The following SHC3 variants were observed in gnomAD, a reference collection of about 807,000 sequenced individuals.
The protein encoded by SHC3 is SHC-transforming protein 3.
A neutral mutation model predicts 60.4 loss-of-function variants in SHC3; 15 were observed. That is an observed-to-expected ratio of 0.25 (90% CI 0.17 to 0.38). The LOEUF (loss-of-function observed/expected upper bound fraction) is 0.38, where lower values mean the gene tolerates loss of function less well. Among genes scored for constraint, SHC3 ranks in the 10% least tolerant of loss-of-function variants. The pLI is 1.00. For synonymous variants in SHC3, 294 were observed against 325.9 expected (o/e 0.90, Z 1.05); for missense variants, 677 against 786.1 (o/e 0.86, Z 1.66).
chr9:89,053,070 T>G (rs1824886883), intron 6 of SHC3, among the ~76,000 whole-genome samples: 1 of 152,162 alleles, frequency 6.6e-6, no homozygotes, highest in South Asian at 2.1e-4. Context: ...CAGACCCACT[T>G]CCACCGTGCC....
chr9:89,062,064 T>A (rs550564742), intron 6 of SHC3, among the ~76,000 whole-genome samples: 4 of 152,332 alleles, frequency 2.6e-5, no homozygotes, highest in African/African-American at 9.6e-5. Flanking sequence ...TTATAAAGTA[T>A]ACGAATTACA....
At chr9:89,055,918 T>C (rs1293015983) in intron 6 of SHC3, among the ~76,000 whole-genome samples, 1 of 152,228 alleles carries the variant, frequency 6.6e-6, no homozygotes, top group Non-Finnish European at 1.5e-5. Context: ...ATGTGTATCA[T>C]AAAAACATCT....
intron 11 of SHC3, among the ~76,000 whole-genome samples, chr9:89,027,490 G>A (rs1411267623): frequency 6.6e-6 from 1 of 151,900 alleles, no homozygotes; most frequent in Non-Finnish European, 1.5e-5. Context: ...CTAATTTTTT[G>A]TATTTTTAGT....
intron 6 of SHC3, among the ~76,000 whole-genome samples, chr9:89,059,629 CGTGGTGGAGGACGTGATGGAGGATG>C (rs1431519402): frequency 9.8e-5 from 8 of 82,046 alleles, no homozygotes; most frequent in East Asian, 4.3e-4. Context: ...TGGTGGAGGA[CGTGGTGGAGGACGTGATGGAGGATG>C]GTGGTGGAGG....
intron 1 of SHC3, among the ~76,000 whole-genome samples, chr9:89,127,577 G>A (rs986767203): frequency 6.6e-6 from 1 of 152,122 alleles, no homozygotes; most frequent in African/African-American, 2.4e-5. Flanking sequence ...GTTTTGCATT[G>A]TGTTATCTGA....
chr9:89,083,965 C>T (rs1238458126), intron 2 of SHC3, among the ~76,000 whole-genome samples: 1 of 152,172 alleles, frequency 6.6e-6, no homozygotes, highest in African/African-American at 2.4e-5. Context: ...CATCCACAGC[C>T]AAGCAGATTA....
At chr9:89,037,572 G>C in intron 11 of SHC3, 1 of 712,642 alleles carries the variant, frequency 1.4e-6, no homozygotes, top group Non-Finnish European at 2.6e-6. Flanking sequence ...TTCATTTACT[G>C]ATCATCACAT....
intron 1 of SHC3, among the ~76,000 whole-genome samples, chr9:89,162,738 C>A (rs1174104124): frequency 6.7e-6 from 1 of 150,250 alleles, no homozygotes; most frequent in Non-Finnish European, 1.5e-5. Flanking sequence ...ACAAAATTGA[C>A]AAATGGGATC....
At chr9:89,061,346 C>G (rs1825086628) in intron 6 of SHC3, among the ~76,000 whole-genome samples, 1 of 152,182 alleles carries the variant, frequency 6.6e-6, no homozygotes, top group Non-Finnish European at 1.5e-5. Flanking sequence ...TAGAAAGTCA[C>G]CTCTTGGGGC....
At chr9:89,087,648 T>C (rs1825553835) in intron 2 of SHC3, among the ~76,000 whole-genome samples, 1 of 152,184 alleles carries the variant, frequency 6.6e-6, no homozygotes. Context: ...TTACTATTAT[T>C]ATATACTAAT....
intron 11 of SHC3, among the ~76,000 whole-genome samples, chr9:89,017,018 A>T (rs536907494): frequency 6.6e-6 from 1 of 152,342 alleles, no homozygotes; most frequent in African/African-American, 2.4e-5. Context: ...CAATGGAAAC[A>T]CATTCCATGC....
At chr9:89,060,850 G>T (rs1825076885) in intron 6 of SHC3, among the ~76,000 whole-genome samples, 1 of 152,236 alleles carries the variant, frequency 6.6e-6, no homozygotes, top group East Asian at 1.9e-4. Context: ...AAGATGGAAG[G>T]CTTTGCCGGC....
intron 11 of SHC3, among the ~76,000 whole-genome samples, chr9:89,023,130 GGA>G (rs1826233501): frequency 6.6e-6 from 1 of 152,226 alleles, no homozygotes; most frequent in Non-Finnish European, 1.5e-5. Context: ...GAACACTCAG[GGA>G]GAGAGGTCAG....
intron 1 of SHC3, among the ~76,000 whole-genome samples, chr9:89,142,841 G>A (rs921834903): frequency 7.2e-5 from 11 of 151,996 alleles, no homozygotes; most frequent in African/African-American, 2.2e-4. Flanking sequence ...ATTTTCCTTC[G>A]GGTCGAGGGT....
At chr9:89,025,509 A>G (rs1294902734) in intron 11 of SHC3, among the ~76,000 whole-genome samples, 1 of 152,216 alleles carries the variant, frequency 6.6e-6, no homozygotes, top group Admixed American at 6.5e-5. Context: ...TAAAATTTGA[A>G]GCCTCCCAAC....
chr9:89,066,222 T>C (rs1825178485), intron 5 of SHC3, among the ~76,000 whole-genome samples: 1 of 152,122 alleles, frequency 6.6e-6, no homozygotes, highest in South Asian at 2.1e-4. Context: ...AAATTTGCAT[T>C]TCTGTCAAGT....
At chr9:89,015,280 C>T (rs569681846) in intron 11 of SHC3, among the ~76,000 whole-genome samples, 1 of 152,342 alleles carries the variant, frequency 6.6e-6, no homozygotes, top group South Asian at 2.1e-4. Flanking sequence ...TCCTTAACGA[C>T]TGACACTCAC....
chr9:89,087,743 G>A (rs753926681), intron 2 of SHC3, among the ~76,000 whole-genome samples: 8 of 152,144 alleles, frequency 5.3e-5, no homozygotes, highest in Non-Finnish European at 1.0e-4. Context: ...GGATTCCAAA[G>A]TAAACGTGAA....
At chr9:89,092,539 C>A (rs1825638945) in intron 2 of SHC3, among the ~76,000 whole-genome samples, 1 of 150,606 alleles carries the variant, frequency 6.6e-6, no homozygotes, top group Non-Finnish European at 1.5e-5. Flanking sequence ...ATGGTGTGAA[C>A]CCCAGAAGCA....
Sources: gnomAD v4.1 joint callset for allele counts (sites outside exome capture counted in the v4.1 genomes callset) on GRCh38, gnomAD v4.1.1 for gene constraint, MANE v1.5 for transcripts, NCBI Gene and HGNC (gene_info 2026-07-23, HGNC 2026-07-21) for gene names.